The following PLEKHH3 variants were observed in gnomAD, a reference collection of about 807,000 sequenced individuals.
PLEKHH3 encodes the protein pleckstrin homology, MyTH4 and FERM domain containing H3.
PLEKHH3 carries 57 observed loss-of-function variants against 77.8 expected under a neutral mutation model. The ratio of observed to expected loss-of-function variants is 0.73; its 90% CI spans 0.59 to 0.91. PLEKHH3 has a LOEUF of 0.91. PLEKHH3 is among the 40% of genes least tolerant of loss of function. The pLI is 0.00. For missense variants in PLEKHH3, 1,082 were observed against 1,091.2 expected (o/e 0.99, Z 0.12); for synonymous variants, 467 against 504.8 (o/e 0.93, Z 1.00).
chr17:42,670,683 A>G lies in PLEKHH3; in HGVS notation c.1444T>C (p.Leu482=). 6.2e-7 allele frequency: 1 copy of G among 1,612,494 alleles called. No individual in the cohort carries two copies. Among genetic ancestry groups the G allele is most frequent in the Non-Finnish European group, 8.5e-7 (1 of 1,179,554 alleles). The change falls in exon 10 of 13, where the codon TTG becomes CTG. Residue 482 remains leucine, a synonymous_variant. Coordinates refer to ENST00000591022, the MANE Select transcript of PLEKHH3 (RefSeq NM_024927.5). ...CACCCGGAGTCGGGCGAGTCCTCCA[A>G]CCCAGCTTCCTCCGCGGCCAAGCTG... ...FENLAAEEAG[L]EDSPDSGWRL...
rs1304978801 is a variant in PLEKHH3, at chr17:42,669,927, C to T, written c.2004G>A (p.Glu668=). The T allele has an allele frequency of 2.5e-6, 4 of 1,613,538 alleles. No individual in the cohort carries two copies. Among genetic ancestry groups the T allele is most frequent in the Non-Finnish European group, 3.4e-6 (4 of 1,179,956 alleles). ...CCCTTCTCCCCCTCACCGTGCTCAG[C>T]TCCAGAACGTCATACCGAGCAGCGC... ...GFGAARYDVL[E]LSTEPGRGAP... The change falls in exon 11 of 13, where the codon GAG becomes GAA. Residue 668 remains glutamate, a synonymous_variant. Coordinates refer to ENST00000591022, the MANE Select transcript of PLEKHH3 (RefSeq NM_024927.5).
chr17:42,670,350 C>A lies in PLEKHH3; in HGVS notation c.1581G>T (p.Arg527=). Residue 527 remains arginine, a synonymous_variant, in exon 11 of 13, where the codon CGG becomes CGT. Coordinates refer to ENST00000591022, the MANE Select transcript of PLEKHH3 (RefSeq NM_024927.5). ...EQAHALLLRG[R]PPPPDDTLRA... is the part of the protein sequence containing the mutation. ...GCAGCGTGTCGTCGGGTGGGGGCGG[C>A]CGGCCCCGCAGCAGCAGAGCGTGAG... is the stretch of plus-strand genomic sequence containing the variant. 1 of 1,401,362 alleles carries A rather than the reference C, an allele frequency of 7.1e-7. No homozygotes were observed. Among genetic ancestry groups the A allele is most frequent in the South Asian group, 1.6e-5 (1 of 63,602 alleles). 86.8% of individuals were successfully genotyped at this position (1,401,362 alleles called of 1,614,324 possible). A position where few individuals can be genotyped will look rare whatever the true frequency, so the allele number is the denominator to read the frequency against.
In PLEKHH3 at chr17:42,673,228, A is replaced by G. The variant is rs1169271165; in HGVS notation, c.717T>C (p.Ser239=). ...GCAGGAGTGGGGCATACAAGGCTCC[A>G]CTAGTGTGTCTCAGAATCGGGTTCC... The part of the protein sequence containing the change: ...YLRNPILRHT[S]GALYAPLLPL... Residue 239 remains serine, a synonymous_variant, in exon 6 of 13, where the codon AGT becomes AGC. Transcript: ENST00000591022. The G allele has an allele frequency of 1.9e-6, 3 of 1,583,706 alleles. No individual in the cohort carries two copies. The African/African-American group carries it at 4.1e-5, about 22-fold the overall frequency.
At position 42,671,977 on chromosome 17, in the gene PLEKHH3, A is replaced by G; in HGVS notation, c.1076+109T>C. Reference sequence around the variant, plus strand: ...CTTGTATCTCCCACAAAGGCACTGTATGTATTACTCGGTTCTTTACCTACC... The same window carrying G: ...CTTGTATCTCCCACAAAGGCACTGTGTGTATTACTCGGTTCTTTACCTACC... On this transcript the variant is annotated intron_variant, in intron 7 of 12. Coordinates refer to ENST00000591022, the MANE Select transcript of PLEKHH3 (RefSeq NM_024927.5). The surrounding 1 kb of genome is among the most constrained non-coding windows in gnomAD (Gnocchi z 4.7). 1 of 889,848 alleles carries G rather than the reference A, an allele frequency of 1.1e-6. No individual in the cohort carries two copies. Among genetic ancestry groups the G allele is most frequent in the Non-Finnish European group, 1.7e-6 (1 of 596,436 alleles). 55.1% of individuals were successfully genotyped at this position (889,848 alleles called of 1,614,324 possible).
At position 42,676,655 on chromosome 17, in the gene PLEKHH3, A is replaced by G. The variant is rs1025333083; in HGVS notation, c.-92T>C. The G allele has an allele frequency of 1.7e-5, 22 of 1,266,440 alleles. No homozygotes were observed. Among genetic ancestry groups the G allele is most frequent in the Non-Finnish European group, 2.4e-5 (22 of 904,208 alleles). 78.5% of individuals were successfully genotyped at this position (1,266,440 alleles called of 1,614,324 possible). On this transcript the variant is annotated 5_prime_UTR_variant, in exon 1 of 13. Transcript: ENST00000591022. The surrounding 1 kb of genome is among the most constrained non-coding windows in gnomAD (Gnocchi z 6.6). ...GGCGGGGCTCCGACCCGAGCAGGGG[A>G]AAGATGAGGTGGGAGGAGCAGAAGG...
intron 1 of PLEKHH3, chr17:42,674,662 G>C (rs2052783448): frequency 1.0e-5 from 4 of 390,552 alleles, no homozygotes; most frequent in Non-Finnish European, 1.8e-5. Context: ...ATACAATCAG[G>C]GGTAGGGTAG....
rs2052689162 is a variant in PLEKHH3 at position 42,671,056 on chromosome 17, C to A, written c.1359G>T (p.Gly453=). The change falls in exon 9 of 13, where the codon GGG becomes GGT. Residue 453 remains glycine, a synonymous_variant. Coordinates refer to ENST00000591022, the MANE Select transcript of PLEKHH3 (RefSeq NM_024927.5). The surrounding 1 kb of genome is among the most constrained non-coding windows in gnomAD (Gnocchi z 4.7). ...CCCCAGCCAGGGCTCGCTCCTGGGC[C>A]CCTCGCTGCTCGTACAGCGCGAATG... is the stretch of plus-strand genomic sequence containing the variant. ...RNAFALYEQR[G]AQERALAGGT... The A allele has an allele frequency of 1.2e-6, 2 of 1,609,890 alleles. No individual in the cohort carries two copies. The highest frequency in any genetic ancestry group is 1.7e-5 in the Admixed American group (1 of 59,136).
In PLEKHH3 at chr17:42,673,784, G is replaced by T. The variant is rs773782831; in HGVS notation, c.349C>A (p.Pro117Thr). The T allele has an allele frequency of 3.8e-6, 6 of 1,590,884 alleles. No individual in the cohort carries two copies. Among genetic ancestry groups the T allele is most frequent in the African/African-American group, 1.3e-5 (1 of 74,560 alleles). Reference protein sequence around the residue: ...RGGGARPWLPPRRAWFVLTRD... With the variant: ...RGGGARPWLPTRRAWFVLTRD... ...GTGAGCACAAACCAGGCTCGGCGCG[G>T]GGGCAGCCAGGGCCGCGCCCCTCCT... The change falls in exon 4 of 13, where the codon CCG becomes ACG. Residue 117 changes from proline to threonine, a missense_variant. By Grantham distance (38) the Pro-to-Thr change is conservative (BLOSUM62 -1). This residue lies in a region of PLEKHH3 where 344 missense variants were observed against 320.8 expected (regional missense o/e 1.07). Coordinates refer to ENST00000591022, the MANE Select transcript of PLEKHH3 (RefSeq NM_024927.5).
In PLEKHH3 at chr17:42,671,127, C is replaced by T; in HGVS notation, c.1288G>A (p.Ala430Thr). The change falls in exon 9 of 13, where the codon GCT (alanine) becomes ACT (threonine). Residue 430 changes from alanine to threonine, a missense_variant. Around this residue, in one of 3 missense-constraint regions of PLEKHH3, gnomAD observed 733 missense variants for 750.0 expected, o/e 0.98. Coordinates refer to ENST00000591022, the MANE Select transcript of PLEKHH3 (RefSeq NM_024927.5). This position sits in a 1 kb window ranked among gnomAD's most constrained non-coding sequence, Gnocchi z 4.7. ...IDSHTTAGEV[A>T]RELVGRLGLA... ...CCCAGCCGCCCCACCAGCTCTCGAGCCACCTAGAAGAGGAGGGTGAGGGGA... is the reference window on the plus strand; with the variant it reads ...CCCAGCCGCCCCACCAGCTCTCGAGTCACCTAGAAGAGGAGGGTGAGGGGA... 1 of 1,583,300 alleles carries T rather than the reference C, an allele frequency of 6.3e-7. No individual in the cohort carries two copies. The highest frequency in any genetic ancestry group is 1.9e-5 in the Admixed American group (1 of 54,036).
Position 42,676,236 on chromosome 17 carries a change from C to G in PLEKHH3, c.162+166G>C. 1 of 1,401,952 alleles carries G rather than the reference C, an allele frequency of 7.1e-7. No individual in the cohort carries two copies. Among genetic ancestry groups the G allele is most frequent in the Non-Finnish European group, 9.4e-7 (1 of 1,066,328 alleles). 86.8% of individuals were successfully genotyped at this position (1,401,952 alleles called of 1,614,324 possible). A position where few individuals can be genotyped will look rare whatever the true frequency, so the allele number is the denominator to read the frequency against. ...GCCCACAGGCACATCCCGAGTAGGGCTGCTGCTCCGAGAGCTCCCGGGGGC... is the reference window on the plus strand; with the variant it reads ...GCCCACAGGCACATCCCGAGTAGGGGTGCTGCTCCGAGAGCTCCCGGGGGC... On this transcript the variant is annotated intron_variant, in intron 1 of 12. Coordinates refer to ENST00000591022, the MANE Select transcript of PLEKHH3 (RefSeq NM_024927.5). The surrounding 1 kb of genome is among the most constrained non-coding windows in gnomAD (Gnocchi z 6.6).
Position 42,676,377 on chromosome 17 carries a change from G to A in PLEKHH3, c.162+25C>T, listed in dbSNP as rs756118110. On this transcript the variant is annotated intron_variant, in intron 1 of 12. Coordinates refer to ENST00000591022, the MANE Select transcript of PLEKHH3 (RefSeq NM_024927.5). This position sits in a 1 kb window ranked among gnomAD's most constrained non-coding sequence, Gnocchi z 6.6. ...CGGTTACAGCGAGAGTGATTGAGAC[G>A]AGGCTCCGAACCCCCGGGACTTACC... 4.3e-6 allele frequency: 7 copies of A among 1,611,352 alleles called. No individual in the cohort carries two copies. The South Asian group carries it at 6.6e-5, about 15-fold the overall frequency.
At chr17:42,675,496 T>G (rs2052802012) in intron 1 of PLEKHH3, among the ~76,000 whole-genome samples, 1 of 151,950 alleles carries the variant, frequency 6.6e-6, no homozygotes, top group Non-Finnish European at 1.5e-5. Flanking sequence ...CTAATCGCAG[T>G]GCCCTGCTTC....
Position 42,670,975 on chromosome 17 carries a change from G to C in PLEKHH3, c.1421+19C>G. ...AGTGGATGGGCTAATAGAGAGCAGGGCTGGGGCTGGACATTTACTTCTCAA... is the reference window on the plus strand; with the variant it reads ...AGTGGATGGGCTAATAGAGAGCAGGCCTGGGGCTGGACATTTACTTCTCAA... On this transcript the variant is annotated intron_variant, in intron 9 of 12. Transcript: ENST00000591022. The C allele has an allele frequency of 6.2e-7, 1 of 1,606,556 alleles. No individual in the cohort carries two copies. Among genetic ancestry groups the C allele is most frequent in the South Asian group, 1.1e-5 (1 of 90,396 alleles).
Position 42,673,660 on chromosome 17 carries a change from C to A in PLEKHH3, c.473G>T (p.Arg158Leu). ...GGTCTCACCTGTCTCCTTACGCCTG[C>A]GCTCTGGGCCGGTCACCGAGCACAG... is the stretch of plus-strand genomic sequence containing the variant. ...TSLCSVTGPE[R>L]RRKETGLWSV... The change falls in exon 4 of 13, where the codon CGC (arginine) becomes CTC (leucine). Residue 158 changes from arginine to leucine, a missense_variant. By Grantham distance (102) the Arg-to-Leu change is moderately radical (BLOSUM62 -2). Coordinates refer to ENST00000591022, the MANE Select transcript of PLEKHH3 (RefSeq NM_024927.5). The A allele has an allele frequency of 3.1e-6, 5 of 1,602,514 alleles. No individual in the cohort carries two copies. The highest frequency in any genetic ancestry group is 4.2e-6 in the Non-Finnish European group (5 of 1,179,816).
chr17:42,669,190 C>G (rs1244877134), intron 12 of PLEKHH3: 10 of 400,048 alleles, frequency 2.5e-5, no homozygotes, highest in South Asian at 1.2e-4. Flanking sequence ...TTTTGAGAAC[C>G]CTTCCCTGGC....
At chr17:42,669,367 T>C in intron 12 of PLEKHH3, 63 bp downstream of exon 12, 1 of 1,451,218 alleles carries the variant, frequency 6.9e-7, no homozygotes, top group East Asian at 2.4e-5. Flanking sequence ...TTTGGTGTTC[T>C]GTAAATGCTT....
chr17:42,669,771 G>T, intron 11 of PLEKHH3, 147 bp downstream of exon 11: 1 of 1,493,846 alleles, frequency 6.7e-7, no homozygotes. Flanking sequence ...GGGATGTGAG[G>T]GCCCAAGGGC....
In PLEKHH3 at chr17:42,676,628, C is replaced by T. The variant is rs1307975441; in HGVS notation, c.-65G>A. ...GCCGAGCAGTAGGGGGTCGGAGGAA[C>T]TGGCGGGGCTCCGACCCGAGCAGGG... On this transcript the variant is annotated 5_prime_UTR_variant, in exon 1 of 13. Coordinates refer to ENST00000591022, the MANE Select transcript of PLEKHH3 (RefSeq NM_024927.5). The surrounding 1 kb of genome is among the most constrained non-coding windows in gnomAD (Gnocchi z 6.6). The T allele has an allele frequency of 1.3e-5, 19 of 1,478,712 alleles. No individual in the cohort carries two copies. The highest frequency in any genetic ancestry group is 2.0e-5 in the Admixed American group (1 of 50,558). The allele number at this position is 1,478,712 out of a possible 1,614,324, so 91.6% of individuals were successfully genotyped here. A position where few individuals can be genotyped will look rare whatever the true frequency, so the allele number is the denominator to read the frequency against.
chr17:42,676,126 A>T lies in PLEKHH3; in HGVS notation c.162+276T>A. 7.7e-7 allele frequency: 1 copy of T among 1,292,522 alleles called. No homozygotes were observed. The highest frequency in any genetic ancestry group is 2.1e-5 in the South Asian group (1 of 47,076). 80.1% of individuals were successfully genotyped at this position (1,292,522 alleles called of 1,614,324 possible). ...GACGCGGGCCCAGCGGGGAAGGGAG[A>T]GGCAGGGCCAGGTCGGGCCACGCGT... On this transcript the variant is annotated intron_variant, in intron 1 of 12. Coordinates refer to ENST00000591022, the MANE Select transcript of PLEKHH3 (RefSeq NM_024927.5). This position sits in a 1 kb window ranked among gnomAD's most constrained non-coding sequence, Gnocchi z 6.6.
Sources: gnomAD v4.1 joint callset for allele counts (sites outside exome capture counted in the v4.1 genomes callset) on GRCh38, gnomAD v4.1.1 for gene constraint, gnomAD v4.1.1 regional missense constraint, Gnocchi (gnomAD v3.1) non-coding constraint, MANE v1.5 for transcripts, NCBI Gene and HGNC (gene_info 2026-07-23, HGNC 2026-07-21) for gene names.